The following PDE4B variants were observed in gnomAD, a reference collection of about 807,000 sequenced individuals.
The protein encoded by PDE4B is phosphodiesterase 4B, also known as 3',5'-cyclic-AMP phosphodiesterase 4B.
PDE4B carries 20 observed loss-of-function variants against 82.2 expected under a neutral mutation model. The observed-to-expected ratio is 0.24, with a 90% CI of 0.17 to 0.35. The LOEUF (loss-of-function observed/expected upper bound fraction) is 0.35, where lower values mean the gene tolerates loss of function less well. Among genes scored for constraint, PDE4B ranks in the 10% least tolerant of loss-of-function variants. PDE4B has a pLI of 1.00. For missense variants in PDE4B, 655 were observed against 907.2 expected (o/e 0.72, Z 3.57); for synonymous variants, 320 against 318.9 (o/e 1.00, Z -0.04).
chr1:65,887,247 T>TTTCTTTCTTTCTTTCTTTTTC (rs1297971405), intron 1 of PDE4B, among the ~76,000 whole-genome samples: 11 of 37,726 alleles, frequency 2.9e-4, no homozygotes, highest in African/African-American at 9.5e-4. Context: ...TCTTTCTTTC[T>TTTCTTTCTTTCTTTCTTTTTC]TTTCTTTCTT....
chr1:65,799,476 T>C (rs950971109), intron 1 of PDE4B, among the ~76,000 whole-genome samples: 1 of 152,192 alleles, frequency 6.6e-6, no homozygotes, highest in Admixed American at 6.5e-5. Context: ...CTGAGGGACA[T>C]ATGGATTAAT....
intron 3 of PDE4B, among the ~76,000 whole-genome samples, chr1:65,947,206 T>C (rs1194442324): frequency 6.6e-6 from 1 of 152,070 alleles, no homozygotes; most frequent in African/African-American, 2.4e-5. Flanking sequence ...GGGGCAAGAC[T>C]GTGGATATAC....
chr1:66,106,145 A>C (rs1645349560), intron 3 of PDE4B, among the ~76,000 whole-genome samples: 1 of 152,196 alleles, frequency 6.6e-6, no homozygotes, highest in African/African-American at 2.4e-5. Context: ...AGTTTTTAGC[A>C]TGAAGCATTG....
At chr1:65,944,090 C>G (rs1411207628) in intron 3 of PDE4B, among the ~76,000 whole-genome samples, 1 of 151,938 alleles carries the variant, frequency 6.6e-6, no homozygotes, top group Non-Finnish European at 1.5e-5. Flanking sequence ...AAGCTTTTGA[C>G]TTTTCACCTT....
intron 8 of PDE4B, among the ~76,000 whole-genome samples, chr1:66,336,516 C>A (rs1660526863): frequency 6.6e-6 from 1 of 152,230 alleles, no homozygotes; most frequent in Admixed American, 6.5e-5. Flanking sequence ...TCACTTCCCC[C>A]ACAAACGCCC....
At chr1:66,053,652 A>C (rs1421814982) in intron 3 of PDE4B, among the ~76,000 whole-genome samples, 1 of 151,994 alleles carries the variant, frequency 6.6e-6, no homozygotes, top group Non-Finnish European at 1.5e-5. Context: ...TGAGGTTAGG[A>C]GTTTGAGATC....
intron 3 of PDE4B, among the ~76,000 whole-genome samples, chr1:66,109,333 T>C (rs1375126791): frequency 6.6e-6 from 1 of 151,932 alleles, no homozygotes; most frequent in African/African-American, 2.4e-5. Context: ...ATTAATATTG[T>C]CAAGAATTTT....
intron 1 of PDE4B, among the ~76,000 whole-genome samples, chr1:65,873,014 A>G (rs937113784): frequency 1.3e-5 from 2 of 152,172 alleles, no homozygotes; most frequent in African/African-American, 4.8e-5. Flanking sequence ...TCTAGGGACT[A>G]CTATGTGCCG....
chr1:66,106,233 A>T (rs1645352284), intron 3 of PDE4B, among the ~76,000 whole-genome samples: 1 of 152,014 alleles, frequency 6.6e-6, no homozygotes, highest in Non-Finnish European at 1.5e-5. Flanking sequence ...TATATGCTGG[A>T]TTACATTTAT....
intron 3 of PDE4B, among the ~76,000 whole-genome samples, chr1:66,083,677 C>T (rs1656856486): frequency 6.6e-6 from 1 of 152,090 alleles, no homozygotes; most frequent in African/African-American, 2.4e-5. Flanking sequence ...TTTTTCTCCT[C>T]ATTCTATCAA....
At chr1:66,199,279 C>A (rs1444375767) in intron 3 of PDE4B, among the ~76,000 whole-genome samples, 1 of 151,580 alleles carries the variant, frequency 6.6e-6, no homozygotes, top group Non-Finnish European at 1.5e-5. Flanking sequence ...CCTGTTGTTT[C>A]CTGACTTTTT....
At chr1:66,159,112 G>C (rs1176327570) in intron 3 of PDE4B, among the ~76,000 whole-genome samples, 2 of 152,088 alleles carry the variant, frequency 1.3e-5, no homozygotes, top group African/African-American at 4.8e-5. Flanking sequence ...CACAAAGAAT[G>C]ATAAATGTTT....
At chr1:66,261,354 A>AAC (rs1208614871) in intron 6 of PDE4B, among the ~76,000 whole-genome samples, 1 of 152,106 alleles carries the variant, frequency 6.6e-6, no homozygotes, top group Non-Finnish European at 1.5e-5. Flanking sequence ...CCCCCACCCG[A>AAC]ACACACACAC....
rs1168144080 is a variant in PDE4B, at chr1:66,162,305, CTTTTTTTTTTTT to C, written c.282-85138_282-85127del. On this transcript the variant is annotated intron_variant, in intron 3 of 16. Coordinates refer to ENST00000341517, the MANE Select transcript of PDE4B (RefSeq NM_002600.4). ...TTGGTGGTAAGGTTCATGGACTTCTCTTTTTTTTTTTTTTTTTTTTTTTTTTTTGCTATTCTG... is the reference window on the plus strand; with the variant it reads ...TTGGTGGTAAGGTTCATGGACTTCTCTTTTTTTTTTTTTTTTGCTATTCTG... 6.7e-4 allele frequency among the ~76,000 whole-genome samples: 27 copies of C among 40,306 alleles called. 1 individual carries two copies. Among genetic ancestry groups the C allele is most frequent in the East Asian group, 1.8e-3 (2 of 1,134 alleles). The allele number at this position is 40,306 out of a possible 152,430, so 26.4% of individuals were successfully genotyped here.
chr1:66,315,393 A>C (rs987526341), intron 7 of PDE4B, among the ~76,000 whole-genome samples: 2 of 152,208 alleles, frequency 1.3e-5, no homozygotes, highest in African/African-American at 4.8e-5. Flanking sequence ...AGGTTAATGC[A>C]TCTAATTTCA....
chr1:66,139,023 G>C (rs1228544099), intron 3 of PDE4B, among the ~76,000 whole-genome samples: 1 of 152,172 alleles, frequency 6.6e-6, no homozygotes, highest in Non-Finnish European at 1.5e-5. Context: ...TACTGAGAAA[G>C]GCAGCTTATA....
At chr1:66,338,675 C>A (rs1249760923) in intron 8 of PDE4B, among the ~76,000 whole-genome samples, 1 of 152,172 alleles carries the variant, frequency 6.6e-6, no homozygotes, top group African/African-American at 2.4e-5. Context: ...TGTAGACTAA[C>A]CCCAAATTCC....
chr1:66,209,313 A>C (rs76929000), intron 3 of PDE4B, among the ~76,000 whole-genome samples: 233 of 152,318 alleles, frequency 1.5e-3, no homozygotes, highest in African/African-American at 5.3e-3. Flanking sequence ...TTCATGTGTT[A>C]TCTCCTTTAA....
At chr1:66,335,557 C>A (rs1378526356) in intron 8 of PDE4B, among the ~76,000 whole-genome samples, 2 of 152,120 alleles carry the variant, frequency 1.3e-5, no homozygotes, top group African/African-American at 4.8e-5. Flanking sequence ...TACTTCATAG[C>A]CTAGAGAGTT....
Sources: allele counts gnomAD v4.1 joint callset (sites outside exome capture counted in the v4.1 genomes callset), GRCh38; gene constraint gnomAD v4.1.1; transcripts MANE v1.5; gene names NCBI Gene and HGNC (gene_info 2026-07-23, HGNC 2026-07-21).